Variants in HCN1 observed in about 807,000 individuals in gnomAD.
HCN1 encodes hyperpolarization activated cyclic nucleotide gated potassium channel 1, also known as potassium/sodium hyperpolarization-activated cyclic nucleotide-gated channel 1.
A neutral mutation model predicts 78.9 loss-of-function variants in HCN1; 13 were observed. The ratio of observed to expected loss-of-function variants is 0.16; its 90% CI spans 0.11 to 0.26. The LOEUF (loss-of-function observed/expected upper bound fraction) is 0.26. HCN1 is among the 10% of genes least tolerant of loss of function. The probability of loss-of-function intolerance (pLI) is 1.00; values close to 1 mark genes in which losing one functional copy is unlikely to be tolerated. For synonymous variants in HCN1, 552 were observed against 455.5 expected (o/e 1.21, Z -2.70); for missense variants, 810 against 1,154.3 (o/e 0.70, Z 4.32).
At chr5:45,489,109 T>G (rs1320090498) in intron 2 of HCN1, among the ~76,000 whole-genome samples, 1 of 152,158 alleles carries the variant, frequency 6.6e-6, no homozygotes, top group East Asian at 1.9e-4. Context: ...TCAGAAGAGT[T>G]GGGTGTTGGA....
chr5:45,616,569 C>T (rs1434043916), intron 2 of HCN1, among the ~76,000 whole-genome samples: 2 of 151,850 alleles, frequency 1.3e-5, no homozygotes, highest in African/African-American at 4.8e-5. Flanking sequence ...AGAACACTTT[C>T]AAAGTGATAT....
chr5:45,375,063 T>C (rs2112015883), intron 4 of HCN1, among the ~76,000 whole-genome samples: 1 of 126,552 alleles, frequency 7.9e-6, no homozygotes, highest in South Asian at 2.2e-4. Flanking sequence ...TTTATATATA[T>C]ATATAATATA....
At chr5:45,411,928 A>AT (rs1291349317) in intron 3 of HCN1, among the ~76,000 whole-genome samples, 1 of 152,128 alleles carries the variant, frequency 6.6e-6, no homozygotes, top group Non-Finnish European at 1.5e-5. Flanking sequence ...AGTGAATTAT[A>AT]ATTTAATCAA....
rs536473976 is a variant in HCN1 at position 45,396,400 on chromosome 5, T to C, written c.1230+92A>G. 771 of 916,102 alleles carry C rather than the reference T, an allele frequency of 8.4e-4. 1 individual carries two copies. The highest frequency in any genetic ancestry group is 1.1e-3 in the Non-Finnish European group (608 of 572,434). The allele number at this position is 916,102 out of a possible 1,614,324, so 56.7% of individuals were successfully genotyped here. On this transcript the variant is annotated intron_variant, in intron 4 of 7. Transcript: ENST00000303230. ...ACATTTTATCTCTTTTTTTTTTTTA[T>C]AGAGGAGATGGTGTAGTTATCTTGA...
intron 1 of HCN1, among the ~76,000 whole-genome samples, chr5:45,659,625 G>C (rs1170436002): frequency 6.9e-6 from 1 of 145,696 alleles, no homozygotes; most frequent in Non-Finnish European, 1.5e-5. Flanking sequence ...TGATGGAGCT[G>C]AAAACCAAGG....
intron 5 of HCN1, among the ~76,000 whole-genome samples, chr5:45,331,791 T>C (rs1030459927): frequency 6.6e-6 from 1 of 151,386 alleles, no homozygotes; most frequent in Non-Finnish European, 1.5e-5. Flanking sequence ...TAAAAATCAA[T>C]ATCATCATTA....
At chr5:45,344,918 G>A (rs1746666895) in intron 5 of HCN1, among the ~76,000 whole-genome samples, 1 of 152,162 alleles carries the variant, frequency 6.6e-6, no homozygotes, top group African/African-American at 2.4e-5. Context: ...ACCCAGTGGA[G>A]ACTCCCTGTG....
Position 45,339,840 on chromosome 5 carries a change from A to T in HCN1, c.1377+13260T>A, listed in dbSNP as rs145249607. On this transcript the variant is annotated intron_variant, in intron 5 of 7. Coordinates refer to ENST00000303230, the MANE Select transcript of HCN1 (RefSeq NM_021072.4). ...TTGTCAGAGGATGCACGTAAAAGTG[A>T]AAAGTGGATATTTTTTCCAGTGAAG... Among the ~76,000 whole-genome samples the T allele has an allele frequency of 1.1e-4, 17 of 152,344 alleles. No homozygotes were observed. In the East Asian group the frequency reaches 2.3e-3, roughly 21 times the overall value.
intron 4 of HCN1, among the ~76,000 whole-genome samples, chr5:45,376,284 TAGATATATATTG>T (rs1747669542): frequency 4.0e-5 from 1 of 25,150 alleles, no homozygotes; most frequent in Non-Finnish European, 1.3e-4. Context: ...ATAGAATATA[TAGATATATATTG>T]TATTATATAT....
intron 2 of HCN1, among the ~76,000 whole-genome samples, chr5:45,463,829 G>A (rs1741213677): frequency 2.0e-5 from 3 of 152,020 alleles, no homozygotes; most frequent in Admixed American, 2.0e-4. Flanking sequence ...CATTTAAGAT[G>A]TCTTGTGGAT....
chr5:45,638,518 C>T (rs542145028), intron 2 of HCN1, among the ~76,000 whole-genome samples: 2 of 152,284 alleles, frequency 1.3e-5, no homozygotes, highest in East Asian at 3.9e-4. Flanking sequence ...TACAGATCTG[C>T]CACGGGGCGC....
At chr5:45,318,908 T>C (rs1051537899) in intron 5 of HCN1, among the ~76,000 whole-genome samples, 1 of 151,972 alleles carries the variant, frequency 6.6e-6, no homozygotes, top group African/African-American at 2.4e-5. Context: ...ACAGAGCAGG[T>C]CTTCTTGTTC....
intron 6 of HCN1, among the ~76,000 whole-genome samples, chr5:45,279,517 T>A (rs1221830695): frequency 6.6e-6 from 1 of 152,154 alleles, no homozygotes; most frequent in Non-Finnish European, 1.5e-5. Flanking sequence ...TTTGTTAATG[T>A]TTTATTGCAG....
At chr5:45,509,671 A>T (rs1297248119) in intron 2 of HCN1, among the ~76,000 whole-genome samples, 1 of 152,172 alleles carries the variant, frequency 6.6e-6, no homozygotes, top group African/African-American at 2.4e-5. Flanking sequence ...ATTTGAGAGG[A>T]GAGACGGGCT....
chr5:45,307,869 G>T (rs1275462479), intron 5 of HCN1, among the ~76,000 whole-genome samples: 2 of 152,108 alleles, frequency 1.3e-5, no homozygotes, highest in African/African-American at 2.4e-5. Flanking sequence ...CTAATGTAAG[G>T]TATTAAAAAC....
intron 2 of HCN1, among the ~76,000 whole-genome samples, chr5:45,589,090 A>T (rs1431018014): frequency 6.6e-6 from 1 of 152,174 alleles, no homozygotes; most frequent in Non-Finnish European, 1.5e-5. Context: ...CCCAGAAAAG[A>T]TAAAAGAGAG....
At chr5:45,291,982 A>T (rs1442489040) in intron 6 of HCN1, among the ~76,000 whole-genome samples, 1 of 152,014 alleles carries the variant, frequency 6.6e-6, no homozygotes, top group African/African-American at 2.4e-5. Context: ...AATATCCATG[A>T]ATGCTAGAAT....
At position 45,634,457 on chromosome 5, in the gene HCN1, C is replaced by T. The variant is rs940710516; in HGVS notation, c.849+10728G>A. Among the ~76,000 whole-genome samples the T allele has an allele frequency of 3.3e-5, 5 of 152,094 alleles. No individual in the cohort carries two copies. In the South Asian group the frequency reaches 8.3e-4, roughly 25 times the overall value. The stretch of plus-strand genomic sequence containing the variant: ...AGAGCAGAAAACTGGTCACTTAGAA[C>T]TTCAAGAATCCATTACTCATAACCT... On this transcript the variant is annotated intron_variant, in intron 2 of 7. Transcript: ENST00000303230.
At chr5:45,465,323 A>C (rs1184160125) in intron 2 of HCN1, among the ~76,000 whole-genome samples, 1 of 152,148 alleles carries the variant, frequency 6.6e-6, no homozygotes, top group Non-Finnish European at 1.5e-5. Flanking sequence ...CTTGAAACCT[A>C]ACCTCAGGTT....
Sources: gnomAD v4.1 joint callset for allele counts (sites outside exome capture counted in the v4.1 genomes callset) on GRCh38, gnomAD v4.1.1 for gene constraint, MANE v1.5 for transcripts, NCBI Gene and HGNC (gene_info 2026-07-23, HGNC 2026-07-21) for gene names.